The following PHC2 variants were observed in gnomAD, a reference collection of about 807,000 sequenced individuals.
PHC2 encodes the protein polyhomeotic-like protein 2.
PHC2 carries 29 observed loss-of-function variants against 87.4 expected under a neutral mutation model. The ratio of observed to expected loss-of-function variants is 0.33; its 90% CI spans 0.25 to 0.45. The LOEUF (loss-of-function observed/expected upper bound fraction) is 0.45, where lower values mean the gene tolerates loss of function less well. PHC2 is among the 20% of genes least tolerant of loss of function. The probability of loss-of-function intolerance (pLI) is 1.00; values close to 1 mark genes in which losing one functional copy is unlikely to be tolerated. For synonymous variants in PHC2, 438 were observed against 461.7 expected, an observed-to-expected ratio of 0.95 and a Z score of 0.66; for missense variants, 857 against 1,136.7, an observed-to-expected ratio of 0.75 and a Z score of 3.54.
chr1:33,385,799 AT>A (rs71006398), intron 1 of PHC2, among the ~76,000 whole-genome samples: 122 of 148,082 alleles, frequency 8.2e-4, no homozygotes, highest in East Asian at 5.2e-3. Flanking sequence ...CAGAATAAAA[AT>A]TTTTTTTTTT....
At chr1:33,339,285 A>G (rs1646698375) in intron 9 of PHC2, among the ~76,000 whole-genome samples, 1 of 152,218 alleles carries the variant, frequency 6.6e-6, no homozygotes, top group Admixed American at 6.5e-5. Context: ...CACTGTCTAC[A>G]TATAGAATAC....
At chr1:33,426,315 G>C (rs1048341941) in intron 1 of PHC2, among the ~76,000 whole-genome samples, 1 of 132,316 alleles carries the variant, frequency 7.6e-6, no homozygotes, top group Admixed American at 7.3e-5. Flanking sequence ...GTTCAAAGCT[G>C]CTGGGGGGGG....
intron 2 of PHC2, 116 bp from the exon 3 acceptor site, chr1:33,372,563 C>T: frequency 3.8e-6 from 3 of 795,110 alleles, no homozygotes; most frequent in South Asian, 3.2e-5. Flanking sequence ...ACACCAAGAT[C>T]TGTGACCACC....
At chr1:33,387,567 G>A (rs1648828119) in intron 1 of PHC2, among the ~76,000 whole-genome samples, 1 of 152,138 alleles carries the variant, frequency 6.6e-6, no homozygotes, top group Non-Finnish European at 1.5e-5. Flanking sequence ...GCTTGCTCAG[G>A]GACATAATAT....
intron 1 of PHC2, among the ~76,000 whole-genome samples, chr1:33,421,935 C>T (rs1650451191): frequency 6.6e-6 from 1 of 152,176 alleles, no homozygotes; most frequent in African/African-American, 2.4e-5. Context: ...AGGGCTTTAA[C>T]AGCTCCCTAT....
intron 12 of PHC2, among the ~76,000 whole-genome samples, chr1:33,330,779 C>T (rs1646475190): frequency 6.6e-6 from 1 of 152,186 alleles, no homozygotes; most frequent in Non-Finnish European, 1.5e-5. Context: ...AATCCCCAGG[C>T]CCATGGCTTA....
chr1:33,341,664 G>A (rs1646747783), intron 9 of PHC2, among the ~76,000 whole-genome samples: 2 of 152,314 alleles, frequency 1.3e-5, no homozygotes, highest in South Asian at 2.1e-4. Flanking sequence ...GCAGTCAGTT[G>A]TTAAGATGAC....
rs762932783 is a variant in PHC2, at chr1:33,368,083, C to G, written c.663+453G>C. 6.6e-6 allele frequency among the ~76,000 whole-genome samples: 1 copy of G among 152,206 alleles called. No homozygotes were observed. The highest frequency in any genetic ancestry group is 1.5e-5 in the Non-Finnish European group (1 of 68,048). Reference sequence around the variant, plus strand: ...TTCCTTCCCCGGCTGCCCACAGAATCTTCCCAGCCACGGTAGTATCTGTGC... The same window carrying G: ...TTCCTTCCCCGGCTGCCCACAGAATGTTCCCAGCCACGGTAGTATCTGTGC... On this transcript the variant is annotated intron_variant, in intron 6 of 14. Coordinates refer to ENST00000683057, the MANE Select transcript of PHC2 (RefSeq NM_001385109.1). The surrounding 1 kb of genome is among the most constrained non-coding windows in gnomAD (Gnocchi z 6.6).
intron 1 of PHC2, among the ~76,000 whole-genome samples, chr1:33,407,953 A>C (rs868762672): frequency 1.3e-5 from 2 of 152,210 alleles, no homozygotes; most frequent in African/African-American, 4.8e-5. Context: ...GTCCCTGATC[A>C]TGTGGGTCTA....
chr1:33,343,338 C>T (rs990124007), intron 9 of PHC2, among the ~76,000 whole-genome samples: 2 of 151,670 alleles, frequency 1.3e-5, no homozygotes, highest in African/African-American at 4.8e-5. Context: ...GGTGTGGTGG[C>T]GAGCGCCTGT....
chr1:33,368,711 G>T lies in PHC2; in HGVS notation c.577-89C>A. Reference sequence around the variant, plus strand: ...GGCCTGGAATCACAGGAAACGAGGCGCCTTTTACCTGCTCGATGTGGACTC... The same window carrying T: ...GGCCTGGAATCACAGGAAACGAGGCTCCTTTTACCTGCTCGATGTGGACTC... On this transcript the variant is annotated intron_variant, in intron 5 of 14. Coordinates refer to ENST00000683057, the MANE Select transcript of PHC2 (RefSeq NM_001385109.1). This position sits in a 1 kb window ranked among gnomAD's most constrained non-coding sequence, Gnocchi z 6.6. 3.3e-6 allele frequency: 3 copies of T among 917,960 alleles called. No individual in the cohort carries two copies. The highest frequency in any genetic ancestry group is 5.3e-6 in the Non-Finnish European group (3 of 571,398). The allele number at this position is 917,960 out of a possible 1,614,324, so 56.9% of individuals were successfully genotyped here. A position where few individuals can be genotyped will look rare whatever the true frequency, so the allele number is the denominator to read the frequency against.
rs1043760346 is a variant in PHC2, at chr1:33,364,436, G to T, written c.976+2680C>A. On this transcript the variant is annotated intron_variant, in intron 7 of 14. Transcript: ENST00000683057. The surrounding 1 kb of genome is among the most constrained non-coding windows in gnomAD (Gnocchi z 4.1). ...CACACACACACACACGCTCAAGCAC[G>T]CTCTTCTCTCCTGCTCTCAGATCCC... Among the ~76,000 whole-genome samples, 2 of 149,598 alleles carry T rather than the reference G, an allele frequency of 1.3e-5. No homozygotes were observed. Among genetic ancestry groups the T allele is most frequent in the African/African-American group, 2.5e-5 (1 of 40,442 alleles).
intron 7 of PHC2, among the ~76,000 whole-genome samples, chr1:33,356,870 G>A (rs1221013216): frequency 6.6e-6 from 1 of 152,118 alleles, no homozygotes; most frequent in African/African-American, 2.4e-5. Flanking sequence ...AGGGCGGCCA[G>A]GCAGAGGCGC....
chr1:33,331,404 G>A lies in PHC2; in HGVS notation c.1950C>T (p.Asp650=). The A allele has an allele frequency of 6.2e-7, 1 of 1,613,446 alleles. No individual in the cohort carries two copies. The highest frequency in any genetic ancestry group is 8.5e-7 in the Non-Finnish European group (1 of 1,179,598). The change falls in exon 12 of 15, where the codon GAC becomes GAT. Residue 650 remains aspartate, a synonymous_variant. Transcript: ENST00000683057. This position sits in a 1 kb window ranked among gnomAD's most constrained non-coding sequence, Gnocchi z 5.2. The stretch of plus-strand genomic sequence containing the variant: ...TGGAACGCTTGAACTTATAGGCAAA[G>A]TCCACCCGGCCACAGAGCTCACACT... The part of the protein sequence containing the change: ...KLKCELCGRV[D]FAYKFKRSKR...
At chr1:33,366,930 A>G (rs1035437728) in intron 7 of PHC2, among the ~76,000 whole-genome samples, 186 bp downstream of exon 7, 17 of 152,218 alleles carry the variant, frequency 1.1e-4, no homozygotes, top group African/African-American at 4.1e-4. Flanking sequence ...GCCCTGCGTA[A>G]AGTTAGACCA....
chr1:33,351,529 T>A (rs901276688), intron 9 of PHC2, among the ~76,000 whole-genome samples: 20 of 152,200 alleles, frequency 1.3e-4, no homozygotes, highest in African/African-American at 3.9e-4. Flanking sequence ...TACTTTCTAT[T>A]GTAATTTTTT....
chr1:33,346,383 G>A, intron 9 of PHC2: 1 of 985,336 alleles, frequency 1.0e-6, no homozygotes, highest in Non-Finnish European at 1.2e-6. Flanking sequence ...TAGCAAAATG[G>A]CACAAAACAA....
In PHC2 at chr1:33,370,464, G is replaced by A. The variant is rs1473100344; in HGVS notation, c.533C>T (p.Ala178Val). 1 of 1,614,146 alleles carries A rather than the reference G, an allele frequency of 6.2e-7. No homozygotes were observed. Among genetic ancestry groups the A allele is most frequent in the Non-Finnish European group, 8.5e-7 (1 of 1,180,012 alleles). The part of the protein sequence containing the change: ...AVLLGNTSSP[A>V]LTASQAQMYL... Reference sequence around the variant, plus strand: ...CATCTGTGCTTGGCTTGCAGTCAGGGCTGGGGAAGACGTGTTGCCCAAGAG... The same window carrying A: ...CATCTGTGCTTGGCTTGCAGTCAGGACTGGGGAAGACGTGTTGCCCAAGAG... Residue 178 changes from alanine to valine, a missense_variant, in exon 5 of 15, where the codon GCC becomes GTC. Ala to Val is a moderately conservative substitution (Grantham distance 64). Around this residue, in one of 3 missense-constraint regions of PHC2, gnomAD observed 832 missense variants for 1,081.8 expected, o/e 0.77. Transcript: ENST00000683057.
At chr1:33,412,440 T>C (rs551302052) in intron 1 of PHC2, among the ~76,000 whole-genome samples, 2 of 151,372 alleles carry the variant, frequency 1.3e-5, no homozygotes, top group African/African-American at 4.9e-5. Flanking sequence ...AACATCACTT[T>C]TCCTTTTCTA....
Sources: allele counts gnomAD v4.1 joint callset (sites outside exome capture counted in the v4.1 genomes callset), GRCh38; gene constraint gnomAD v4.1.1; regional missense constraint gnomAD v4.1.1; non-coding constraint Gnocchi (gnomAD v3.1); transcripts MANE v1.5; gene names NCBI Gene and HGNC (gene_info 2026-07-23, HGNC 2026-07-21).